ITPRID1: variants seen among roughly 807,000 people sequenced by gnomAD.
ITPRID1 encodes ITPR interacting domain containing 1, also known as protein ITPRID1.
A neutral mutation model predicts 95.4 loss-of-function variants in ITPRID1; 96 were observed. The observed-to-expected ratio is 1.01, with a 90% CI of 0.85 to 1.19. The LOEUF (loss-of-function observed/expected upper bound fraction) is 1.19, where lower values mean the gene tolerates loss of function less well. ITPRID1 is among the 50% of genes most tolerant of loss of function. The pLI, the probability that ITPRID1 is intolerant of heterozygous loss-of-function variation, is 0.00. For missense variants in ITPRID1, 1,339 were observed against 1,252.9 expected (o/e 1.07, Z -1.04); for synonymous variants, 510 against 453.6 (o/e 1.12, Z -1.58).
chr7:31,547,274 A>T (rs1017947452), intron 1 of ITPRID1, among the ~76,000 whole-genome samples: 2 of 152,212 alleles, frequency 1.3e-5, no homozygotes, highest in African/African-American at 4.8e-5. Context: ...CTCCCGTATT[A>T]GTGAGTTCTC....
Position 31,556,075 on chromosome 7 carries a change from G to A in ITPRID1, c.256+1174G>A, listed in dbSNP as rs187560199. ...TTCTCTTGCCCCGGTTGTGGTGAGA[G>A]GCCTGGCACTGGTTCTGGAGTCATC... On this transcript the variant is annotated intron_variant, in intron 5 of 14. Coordinates refer to ENST00000615280, the MANE Select transcript of ITPRID1 (RefSeq NM_001257967.3). 2.8e-3 allele frequency among the ~76,000 whole-genome samples: 426 copies of A among 152,184 alleles called. 1 individual carries two copies. Among genetic ancestry groups the A allele is most frequent in the South Asian group, 9.8e-3 (47 of 4,816 alleles).
intron 1 of ITPRID1, among the ~76,000 whole-genome samples, chr7:31,530,979 T>C (rs1176856741): frequency 6.6e-6 from 1 of 152,200 alleles, no homozygotes; most frequent in African/African-American, 2.4e-5. Context: ...CATCCAATGT[T>C]CTGGGAGATA....
chr7:31,584,272 A>G (rs907180478), intron 10 of ITPRID1, among the ~76,000 whole-genome samples: 4 of 152,224 alleles, frequency 2.6e-5, no homozygotes. Context: ...AAGTGTATGT[A>G]TGGGCCTCAT....
At chr7:31,614,504 TG>T (rs1787026683) in intron 10 of ITPRID1, among the ~76,000 whole-genome samples, 2 of 152,172 alleles carry the variant, frequency 1.3e-5, no homozygotes, top group South Asian at 4.1e-4. Context: ...AAGGCAGATA[TG>T]AGAGACACTT....
intron 10 of ITPRID1, among the ~76,000 whole-genome samples, chr7:31,615,859 A>ATC (rs1252602146): frequency 2.6e-5 from 4 of 151,262 alleles, no homozygotes; most frequent in Non-Finnish European, 4.4e-5. Context: ...GTTCACGCCA[A>ATC]TCTCCTGCCT....
At chr7:31,572,054 G>C (rs1334848577) in intron 6 of ITPRID1, 48 bp from the exon 7 acceptor site, 2 of 1,221,054 alleles carry the variant, frequency 1.6e-6, no homozygotes, top group Middle Eastern at 1.9e-4. Context: ...CCTCCCAGGA[G>C]ACTATCTAAA....
At chr7:31,521,615 T>TTTTCCTTCCTTCC (rs1554280114) in intron 1 of ITPRID1, among the ~76,000 whole-genome samples, 1 of 121,838 alleles carries the variant, frequency 8.2e-6, no homozygotes, top group Non-Finnish European at 1.8e-5. Context: ...CTTTTTCTCC[T>TTTTCCTTCCTTCC]TTCCCTCCTT....
At position 31,642,769 on chromosome 7, in the gene ITPRID1, G is replaced by A. The variant is rs201060776; in HGVS notation, c.1399G>A (p.Asp467Asn). ...GAGCCACAGCTTAGTATCATCCCAG[G>A]ACTGTCAGCTAGAGTCGGATGGGCC... ...DQSHSLVSSQ[D>N]CQLESDGPDS... The change falls in exon 12 of 15, where the codon GAC (aspartate) becomes AAC (asparagine). Residue 467 changes from aspartate (D) to asparagine (N), a missense_variant. Coordinates refer to ENST00000615280, the MANE Select transcript of ITPRID1 (RefSeq NM_001257967.3). The A allele has an allele frequency of 6.1e-5, 98 of 1,613,872 alleles. No individual in the cohort carries two copies. Among genetic ancestry groups the A allele is most frequent in the Middle Eastern group, 3.3e-4 (2 of 6,084 alleles).
At chr7:31,543,511 A>AT (rs1271652605) in intron 1 of ITPRID1, among the ~76,000 whole-genome samples, 2 of 151,632 alleles carry the variant, frequency 1.3e-5, no homozygotes, top group East Asian at 3.9e-4. Context: ...TGTTGTTTAA[A>AT]TTTTCATTTT....
At chr7:31,529,238 C>G (rs1007507892) in intron 1 of ITPRID1, among the ~76,000 whole-genome samples, 9 of 152,204 alleles carry the variant, frequency 5.9e-5, no homozygotes, top group Non-Finnish European at 1.0e-4. Context: ...TCCTGAATAT[C>G]AAGTTCTGCT....
chr7:31,629,862 G>A (rs750921322), intron 10 of ITPRID1, among the ~76,000 whole-genome samples: 7 of 152,148 alleles, frequency 4.6e-5, no homozygotes, highest in Non-Finnish European at 8.8e-5. Context: ...TGTCAAAGAT[G>A]TACACCAGCG....
chr7:31,597,061 A>G (rs1028816019), intron 10 of ITPRID1, among the ~76,000 whole-genome samples: 10 of 152,008 alleles, frequency 6.6e-5, no homozygotes, highest in Non-Finnish European at 1.5e-4. Context: ...AAGAAATATA[A>G]CAAAATGTAA....
intron 10 of ITPRID1, among the ~76,000 whole-genome samples, chr7:31,639,777 C>T (rs1426554842): frequency 6.6e-6 from 1 of 151,958 alleles, no homozygotes; most frequent in Non-Finnish European, 1.5e-5. Flanking sequence ...ACCTCGTGAT[C>T]TGCCTGCCTC....
chr7:31,615,285 G>A (rs1371482367), intron 10 of ITPRID1, among the ~76,000 whole-genome samples: 2 of 152,074 alleles, frequency 1.3e-5, no homozygotes, highest in Non-Finnish European at 2.9e-5. Flanking sequence ...GATAGGATCA[G>A]GTCATAAGTA....
Position 31,654,378 on chromosome 7 carries a change from G to C in ITPRID1, c.*1549G>C, listed in dbSNP as rs970853318. On this transcript the variant is annotated 3_prime_UTR_variant, in exon 15 of 15. Coordinates refer to ENST00000615280, the MANE Select transcript of ITPRID1 (RefSeq NM_001257967.3). ...GGAGGGGAAGGCTGAGAGGGGATCG[G>C]TCAGACTATAGGCCATGACCAAGTC... Among the ~76,000 whole-genome samples the C allele has an allele frequency of 3.3e-5, 5 of 152,190 alleles. No individual in the cohort carries two copies. Among genetic ancestry groups the C allele is most frequent in the African/African-American group, 1.2e-4 (5 of 41,452 alleles).
chr7:31,537,860 C>T (rs530463458), intron 1 of ITPRID1, among the ~76,000 whole-genome samples: 2 of 152,004 alleles, frequency 1.3e-5, no homozygotes, highest in Non-Finnish European at 2.9e-5. Context: ...ATTTCTTCTC[C>T]CCCCAAAATA....
chr7:31,556,982 A>G (rs1002017310), intron 5 of ITPRID1, among the ~76,000 whole-genome samples: 8 of 151,864 alleles, frequency 5.3e-5, no homozygotes, highest in Non-Finnish European at 1.2e-4. Context: ...GGCTTTGGCA[A>G]TCCTCAGTGT....
At position 31,656,120 on chromosome 7, in the gene ITPRID1, T is replaced by A; in HGVS notation, c.*3291T>A. ...AGTGATCCTTATTTTTTGAAACTCCTATATCACTTTGCTTTTTTGTTAAAA... is the reference window on the plus strand; with the variant it reads ...AGTGATCCTTATTTTTTGAAACTCCAATATCACTTTGCTTTTTTGTTAAAA... On this transcript the variant is annotated 3_prime_UTR_variant, in exon 15 of 15. Coordinates refer to ENST00000615280, the MANE Select transcript of ITPRID1 (RefSeq NM_001257967.3). The A allele has an allele frequency of 1.4e-6, 1 of 713,938 alleles. No homozygotes were observed. The highest frequency in any genetic ancestry group is 1.7e-6 in the Non-Finnish European group (1 of 582,436). The allele number at this position is 713,938 out of a possible 1,614,324, so 44.2% of individuals were successfully genotyped here. A position where few individuals can be genotyped will look rare whatever the true frequency, so the allele number is the denominator to read the frequency against.
Position 31,574,729 on chromosome 7 carries a change from C to T in ITPRID1, c.585C>T (p.Asn195=), listed in dbSNP as rs1785117686. ...EAQKQRMDIE[N]PNLYGRFRQL... ...AAAAGCAGCGAATGGACATTGAGAA[C>T]CCCAACTTGTACGGTAAGCGAGGTG... is the stretch of plus-strand genomic sequence containing the variant. Residue 195 remains asparagine, a synonymous_variant, in exon 8 of 15, where the codon AAC becomes AAT. Transcript: ENST00000615280. 1 of 1,613,716 alleles carries T rather than the reference C, an allele frequency of 6.2e-7. No individual in the cohort carries two copies. The highest frequency in any genetic ancestry group is 2.2e-5 in the East Asian group (1 of 44,830).
Sources: gnomAD v4.1 joint callset for allele counts (sites outside exome capture counted in the v4.1 genomes callset) on GRCh38, gnomAD v4.1.1 for gene constraint, MANE v1.5 for transcripts, NCBI Gene and HGNC (gene_info 2026-07-23, HGNC 2026-07-21) for gene names.